The following DDX42 variants were observed in gnomAD, a reference collection of about 807,000 sequenced individuals.
DDX42 encodes the protein DEAD-box helicase 42, also known as ATP-dependent RNA helicase DDX42.
In DDX42, 22 loss-of-function variants were observed where a neutral mutation model predicts 101.5. That is an observed-to-expected ratio of 0.22 (90% CI 0.15 to 0.31). The LOEUF is 0.31. Among genes scored for constraint, DDX42 ranks in the 10% least tolerant of loss-of-function variants. The probability of loss-of-function intolerance (pLI) is 1.00; values close to 1 mark genes in which losing one functional copy is unlikely to be tolerated. For missense variants in DDX42, 849 were observed against 1,199.9 expected (o/e 0.71, Z 4.32); for synonymous variants, 402 against 401.2 (o/e 1.00, Z -0.02).
Position 63,818,703 on chromosome 17 carries a change from G to T in DDX42, c.*305G>T. The T allele has an allele frequency of 3.3e-6, 1 of 305,770 alleles. No individual in the cohort carries two copies. The highest frequency in any genetic ancestry group is 5.4e-5 in the South Asian group (1 of 18,642). 18.9% of individuals were successfully genotyped at this position (305,770 alleles called of 1,614,324 possible). On this transcript the variant is annotated 3_prime_UTR_variant, in exon 18 of 18. Transcript: ENST00000389924. ...TTCTAGGGCACAAAACTCACTCTAG[G>T]TTTATATTGTATGTAGCTTATATTT...
chr17:63,777,394 T>C (rs2039433435), intron 1 of DDX42, among the ~76,000 whole-genome samples: 2 of 152,048 alleles, frequency 1.3e-5, no homozygotes, highest in Admixed American at 1.3e-4. Flanking sequence ...AATCCTATAA[T>C]ACGGAGTTGG....
chr17:63,802,938 A>C (rs1421349746), intron 6 of DDX42, among the ~76,000 whole-genome samples: 1 of 152,136 alleles, frequency 6.6e-6, no homozygotes, highest in East Asian at 1.9e-4. Flanking sequence ...CAAGCTTTCA[A>C]GCAAAAATTA....
intron 1 of DDX42, among the ~76,000 whole-genome samples, chr17:63,782,509 C>T (rs887597848): frequency 1.3e-5 from 2 of 152,130 alleles, no homozygotes; most frequent in Non-Finnish European, 2.9e-5. Flanking sequence ...AGGTTTCCAT[C>T]TCCATTAGTG....
chr17:63,812,279 C>T, intron 14 of DDX42, 71 bp downstream of exon 14: 1 of 1,513,550 alleles, frequency 6.6e-7, no homozygotes. Flanking sequence ...TACATAAGAC[C>T]TATAATATCT....
At chr17:63,809,470 A>C in intron 10 of DDX42, 90 bp from the exon 11 acceptor site, 8 of 971,496 alleles carry the variant, frequency 8.2e-6, no homozygotes, top group Non-Finnish European at 1.3e-5. Context: ...GAGACTAGAG[A>C]ATTAGCACTT....
At chr17:63,783,685 G>A (rs1199060237) in intron 1 of DDX42, among the ~76,000 whole-genome samples, 2 of 152,180 alleles carry the variant, frequency 1.3e-5, no homozygotes, top group African/African-American at 4.8e-5. Flanking sequence ...CTCACTGTTA[G>A]AGAAGGAAGT....
intron 14 of DDX42, 92 bp downstream of exon 14, chr17:63,812,300 A>ATATC: frequency 7.5e-6 from 11 of 1,474,090 alleles, no homozygotes; most frequent in Non-Finnish European, 2.7e-6. Flanking sequence ...GAGCAGGCTG[A>ATATC]TGGAAAGACT....
At chr17:63,816,238 A>G (rs1438550420) in intron 16 of DDX42, among the ~76,000 whole-genome samples, 1 of 152,210 alleles carries the variant, frequency 6.6e-6, no homozygotes, top group African/African-American at 2.4e-5. Context: ...GCCAGGGAAG[A>G]AAGCTGCCAG....
At chr17:63,811,523 T>C (rs1362324251) in intron 13 of DDX42, 5 of 347,528 alleles carry the variant, frequency 1.4e-5, no homozygotes, top group African/African-American at 6.2e-5. Context: ...GTTTTAATTA[T>C]TGTGGTAGGG....
chr17:63,804,849 C>G (rs1025567190), intron 6 of DDX42, among the ~76,000 whole-genome samples: 25 of 151,804 alleles, frequency 1.6e-4, no homozygotes, highest in African/African-American at 6.1e-4. Flanking sequence ...ACTGTCTCAA[C>G]CAATAAAAGA....
chr17:63,815,057 G>C lies in DDX42; in HGVS notation c.1903-506G>C, dbSNP rs535026882. ...TTCAATGAAAACTTTTACGCTCTGC[G>C]GGTAAATAAAATTTTCAGTTGTGTG... is the stretch of plus-strand genomic sequence containing the variant. On this transcript the variant is annotated intron_variant, in intron 15 of 17. Transcript: ENST00000389924. Among the ~76,000 whole-genome samples, 81 of 152,242 alleles carry C rather than the reference G, an allele frequency of 5.3e-4. 1 individual carries two copies. The highest frequency in any genetic ancestry group is 1.9e-3 in the African/African-American group (78 of 41,540).
chr17:63,787,391 C>A, intron 2 of DDX42, 121 bp downstream of exon 2: 1 of 1,026,388 alleles, frequency 9.7e-7, no homozygotes, highest in Non-Finnish European at 1.4e-6. Context: ...AATTATGTGT[C>A]TCGCTGAATT....
At chr17:63,807,289 C>A (rs1475351588) in intron 8 of DDX42, among the ~76,000 whole-genome samples, 3 of 152,006 alleles carry the variant, frequency 2.0e-5, no homozygotes, top group Non-Finnish European at 1.5e-5. Flanking sequence ...TACAGGCGCA[C>A]GCCAGCACAC....
At chr17:63,809,013 T>C (rs1403107190) in intron 10 of DDX42, 65 bp downstream of exon 10, 5 of 1,584,056 alleles carry the variant, frequency 3.2e-6, no homozygotes, top group Non-Finnish European at 4.3e-6. Flanking sequence ...TGATTAGTTT[T>C]GCAGAGAATT....
intron 2 of DDX42, among the ~76,000 whole-genome samples, chr17:63,790,449 AC>A (rs2144544394): frequency 6.6e-6 from 1 of 151,994 alleles, no homozygotes; most frequent in Admixed American, 6.6e-5. Flanking sequence ...ACATGGTGAA[AC>A]CCCGTCTCTA....
Position 63,818,240 on chromosome 17 carries a change from AAAG to A in DDX42, c.2663_2665del (p.Glu888del), listed in dbSNP as rs1389339269. The A allele has an allele frequency of 3.1e-6, 5 of 1,614,024 alleles. No homozygotes were observed. Among genetic ancestry groups the A allele is most frequent in the African/African-American group, 1.3e-5 (1 of 74,902 alleles). On this transcript the variant is annotated inframe_deletion, in exon 18 of 18. Transcript: ENST00000389924. Reference sequence around the variant, plus strand: ...TGATGGTCGGAATGGGGAAAGCAGGAAAGAAGCTTTTAATCGTGAGAGCAAGAT... The same window carrying A: ...TGATGGTCGGAATGGGGAAAGCAGGAAAGCTTTTAATCGTGAGAGCAAGAT...
At chr17:63,783,150 C>T (rs1442303116) in intron 1 of DDX42, among the ~76,000 whole-genome samples, 1 of 152,152 alleles carries the variant, frequency 6.6e-6, no homozygotes, top group African/African-American at 2.4e-5. Flanking sequence ...CTGTATAGTA[C>T]GTCTGTTAGA....
chr17:63,788,738 A>G (rs1451451266), intron 2 of DDX42, among the ~76,000 whole-genome samples: 2 of 152,154 alleles, frequency 1.3e-5, no homozygotes, highest in African/African-American at 4.8e-5. Context: ...TTGCTGATAT[A>G]ATAATGTGGT....
intron 12 of DDX42, 99 bp from the exon 13 acceptor site, chr17:63,810,974 CTTA>C: frequency 1.2e-6 from 1 of 854,398 alleles, no homozygotes; most frequent in Non-Finnish European, 1.8e-6. Flanking sequence ...TTCAGGTGAG[CTTA>C]TGTAAAAAAA....
Sources: gnomAD v4.1 joint callset for allele counts (sites outside exome capture counted in the v4.1 genomes callset) on GRCh38, gnomAD v4.1.1 for gene constraint, MANE v1.5 for transcripts, NCBI Gene and HGNC (gene_info 2026-07-23, HGNC 2026-07-21) for gene names.